Variants in ZNF654 observed in about 807,000 individuals in gnomAD.
The protein encoded by ZNF654 is melanoma-associated antigen.
Under a neutral mutation model 95.3 loss-of-function variants are expected in ZNF654, and 19 were observed. That is an observed-to-expected ratio of 0.20 (90% CI 0.14 to 0.29). The LOEUF is 0.29. Ranked by LOEUF, ZNF654 falls within the 10% of genes least tolerant of loss-of-function variation. ZNF654 has a pLI of 1.00. For missense variants in ZNF654, 1,046 were observed against 1,341.0 expected, an observed-to-expected ratio of 0.78 and a Z score of 3.44; for synonymous variants, 413 against 457.9, an observed-to-expected ratio of 0.90 and a Z score of 1.25.
chr3:88,076,338 C>G (rs1246437485), intron 1 of ZNF654, among the ~76,000 whole-genome samples: 2 of 152,142 alleles, frequency 1.3e-5, no homozygotes, highest in African/African-American at 4.8e-5. Flanking sequence ...TGTAACCAGT[C>G]ACCCTTCCTT....
intron 2 of ZNF654, among the ~76,000 whole-genome samples, chr3:88,101,999 A>G (rs2107720628): frequency 6.6e-6 from 1 of 151,516 alleles, no homozygotes; most frequent in Non-Finnish European, 1.5e-5. Context: ...AAATTGTATT[A>G]TTTGTCATCT....
chr3:88,067,365 T>C (rs73146085), intron 1 of ZNF654, among the ~76,000 whole-genome samples: 10,292 of 152,280 alleles, frequency 0.068, 477 homozygotes, highest in Non-Finnish European at 0.1. Flanking sequence ...ATCTTAGAGA[T>C]AGCTGGACTT....
intron 2 of ZNF654, among the ~76,000 whole-genome samples, chr3:88,091,080 A>G (rs187950907): frequency 6.6e-6 from 1 of 152,226 alleles, no homozygotes; most frequent in Admixed American, 6.5e-5. Context: ...ACAGGTTTGT[A>G]GCCCAGGTGT....
intron 1 of ZNF654, among the ~76,000 whole-genome samples, chr3:88,070,795 C>T (rs371648108): frequency 1.5e-4 from 23 of 152,086 alleles, no homozygotes; most frequent in Admixed American, 1.4e-3. Context: ...CTGTTTTTAT[C>T]GTCATTTTAT....
chr3:88,114,538 T>A (rs545798493), intron 3 of ZNF654, among the ~76,000 whole-genome samples: 2 of 152,274 alleles, frequency 1.3e-5, no homozygotes, highest in Non-Finnish European at 2.9e-5. Context: ...CCTTTGACAC[T>A]CTCTAATCCT....
intron 6 of ZNF654, among the ~76,000 whole-genome samples, chr3:88,131,049 G>A (rs556225397): frequency 6.6e-6 from 1 of 152,218 alleles, no homozygotes; most frequent in South Asian, 2.1e-4. Flanking sequence ...CAGTTTCCTT[G>A]TGTGAATATT....
intron 1 of ZNF654, among the ~76,000 whole-genome samples, chr3:88,074,630 T>C (rs4858992): frequency 0.78 from 119,069 of 152,088 alleles, 47,528 homozygotes; most frequent in South Asian, 0.91. Flanking sequence ...CGTGAGCCAC[T>C]GCGCCCGGCC....
At chr3:88,132,612 G>A (rs1020099453) in intron 6 of ZNF654, among the ~76,000 whole-genome samples, 11 of 152,134 alleles carry the variant, frequency 7.2e-5, no homozygotes, top group African/African-American at 1.9e-4. Context: ...TGCTTTGCCT[G>A]CTTTAAAGCA....
At chr3:88,135,339 C>T (rs778047075) in intron 7 of ZNF654, 137 bp downstream of exon 7, 11 of 613,176 alleles carry the variant, frequency 1.8e-5, no homozygotes, top group Non-Finnish European at 2.2e-5. Context: ...CCATACATTA[C>T]ATTCTCCTCT....
Position 88,138,918 on chromosome 3 carries a change from C to G in ZNF654, c.1249C>G (p.Arg417Gly). ...TCGTACTGTTGAAGAGCTTTACAAA[C>G]GTCCAGATGAAGAATATAATGAAGG... ...AYRTVEELYK[R>G]PDEEYNEGTS... is the part of the protein sequence containing the mutation. The change falls in exon 8 of 9, where the codon CGT (arginine) becomes GGT (glycine). Residue 417 changes from arginine (R) to glycine (G), a missense_variant. By Grantham distance (125) the Arg-to-Gly change is moderately radical. Around this residue, in one of 9 missense-constraint regions of ZNF654, gnomAD observed 78 missense variants for 154.2 expected, o/e 0.51. Coordinates refer to ENST00000636215, the MANE Select transcript of ZNF654 (RefSeq NM_001350134.2). 8.1e-7 allele frequency: 1 copy of G among 1,235,112 alleles called. No individual in the cohort carries two copies. The highest frequency in any genetic ancestry group is 3.1e-5 in the East Asian group (1 of 31,754). 76.5% of individuals were successfully genotyped at this position (1,235,112 alleles called of 1,614,324 possible). A position where few individuals can be genotyped will look rare whatever the true frequency, so the allele number is the denominator to read the frequency against.
At chr3:88,105,012 C>T (rs6796355) in intron 2 of ZNF654, among the ~76,000 whole-genome samples, 119,099 of 151,974 alleles carry the variant, frequency 0.78, 47,569 homozygotes, top group South Asian at 0.91. Flanking sequence ...TGGTGGCGCG[C>T]GCCTGTAATC....
At chr3:88,059,888 A>G (rs1338383504) in intron 1 of ZNF654, among the ~76,000 whole-genome samples, 2 of 151,266 alleles carry the variant, frequency 1.3e-5, no homozygotes. Flanking sequence ...CTCTGGTAAC[A>G]TTTTCTGCCT....
chr3:88,086,488 A>G, intron 2 of ZNF654, 86 bp downstream of exon 2: 1 of 1,186,568 alleles, frequency 8.4e-7, no homozygotes, highest in Admixed American at 3.2e-5. Context: ...TGAAGAAGAA[A>G]CCTTTCCTAA....
chr3:88,095,458 C>A, intron 2 of ZNF654: 1 of 377,416 alleles, frequency 2.6e-6, no homozygotes. Context: ...TCAAGGTACG[C>A]ATGCAACATC....
intron 2 of ZNF654, among the ~76,000 whole-genome samples, chr3:88,097,434 G>T (rs1275712105): frequency 6.6e-6 from 1 of 151,752 alleles, no homozygotes; most frequent in Non-Finnish European, 1.5e-5. Flanking sequence ...GAGACAGAAG[G>T]TTAACAAGGA....
chr3:88,140,834 C>T lies in ZNF654; in HGVS notation c.3165C>T (p.Tyr1055=). The T allele has an allele frequency of 6.2e-7, 1 of 1,613,612 alleles. No individual in the cohort carries two copies. Among genetic ancestry groups the T allele is most frequent in the Middle Eastern group, 1.6e-4 (1 of 6,062 alleles). The change falls in exon 8 of 9, where the codon TAC becomes TAT. Residue 1055 remains tyrosine (Y), a synonymous_variant. Transcript: ENST00000636215. ...ACGTCAGACCATTGCCTCCCAGTTA[C>T]CTTGATGAACGGTATCTTAGTATGC... is the stretch of plus-strand genomic sequence containing the variant. ...KPYVRPLPPS[Y]LDERYLSMPK...
At chr3:88,128,337 A>G (rs7630240) in intron 4 of ZNF654, among the ~76,000 whole-genome samples, 119,051 of 151,932 alleles carry the variant, frequency 0.78, 47,558 homozygotes, top group South Asian at 0.91. Context: ...TTGTGATTCA[A>G]CTTTTTCATT....
In ZNF654 at chr3:88,139,960, A is replaced by G; in HGVS notation, c.2291A>G (p.Asn764Ser). Reference sequence around the variant, plus strand: ...ATATTTAAAAGAATTGGGTTTCTAAATAAACATGCAATGACCGTACATCCA... The same window carrying G: ...ATATTTAAAAGAATTGGGTTTCTAAGTAAACATGCAATGACCGTACATCCA... ...VRIFKRIGFL[N>S]KHAMTVHPTD... Residue 764 changes from asparagine to serine, a missense_variant, in exon 8 of 9, where the codon AAT becomes AGT. Around this residue, in one of 9 missense-constraint regions of ZNF654, gnomAD observed 495 missense variants for 537.0 expected, o/e 0.92. Coordinates refer to ENST00000636215, the MANE Select transcript of ZNF654 (RefSeq NM_001350134.2). The G allele has an allele frequency of 1.9e-6, 3 of 1,613,796 alleles. No homozygotes were observed. The highest frequency in any genetic ancestry group is 2.5e-6 in the Non-Finnish European group (3 of 1,179,814).
chr3:88,111,764 G>A (rs1241830221), intron 2 of ZNF654, among the ~76,000 whole-genome samples: 2 of 151,836 alleles, frequency 1.3e-5, no homozygotes, highest in Non-Finnish European at 2.9e-5. Flanking sequence ...GATGAGTATA[G>A]GAACATTTAC....
Sources: gnomAD v4.1 joint callset for allele counts (sites outside exome capture counted in the v4.1 genomes callset) on GRCh38, gnomAD v4.1.1 for gene constraint, gnomAD v4.1.1 regional missense constraint, MANE v1.5 for transcripts, NCBI Gene and HGNC (gene_info 2026-07-23, HGNC 2026-07-21) for gene names.